The following ZZZ3 variants were observed in gnomAD, a reference collection of about 807,000 sequenced individuals.
ZZZ3 encodes the protein ZZ-type zinc finger-containing protein 3.
A neutral mutation model predicts 95.2 loss-of-function variants in ZZZ3; 22 were observed. The observed-to-expected ratio is 0.23, with a 90% CI of 0.17 to 0.33. The LOEUF (loss-of-function observed/expected upper bound fraction) is 0.33, where lower values mean the gene tolerates loss of function less well. Ranked by LOEUF, ZZZ3 falls within the 10% of genes least tolerant of loss-of-function variation. The pLI is 1.00. For missense variants in ZZZ3, 885 were observed against 1,066.5 expected (o/e 0.83, Z 2.37); for synonymous variants, 335 against 358.9 (o/e 0.93, Z 0.75).
chr1:77,602,555 A>G (rs968314321), intron 5 of ZZZ3, among the ~76,000 whole-genome samples: 9 of 152,192 alleles, frequency 5.9e-5, no homozygotes, highest in Non-Finnish European at 1.0e-4. Flanking sequence ...AGAACACTAA[A>G]TAAGAGAAAA....
chr1:77,630,225 A>G (rs1044932558), intron 5 of ZZZ3, among the ~76,000 whole-genome samples: 1 of 152,096 alleles, frequency 6.6e-6, no homozygotes, highest in Non-Finnish European at 1.5e-5. Flanking sequence ...CCTATACTCA[A>G]TACTCTGGGA....
chr1:77,639,353 G>A (rs1484879262), intron 4 of ZZZ3, 96 bp downstream of exon 4: 3 of 987,138 alleles, frequency 3.0e-6, no homozygotes, highest in South Asian at 2.3e-5. Context: ...CCCAGAGGAT[G>A]TATGGAAAAA....
intron 5 of ZZZ3, among the ~76,000 whole-genome samples, chr1:77,601,961 T>A (rs571813852): frequency 8.5e-5 from 13 of 152,276 alleles, no homozygotes; most frequent in African/African-American, 3.1e-4. Context: ...GGTGGCAAGA[T>A]GTTGGCTAAG....
chr1:77,618,624 A>G (rs995536910), intron 5 of ZZZ3, among the ~76,000 whole-genome samples: 19 of 152,158 alleles, frequency 1.2e-4, no homozygotes, highest in African/African-American at 4.3e-4. Flanking sequence ...TATTCGCAAG[A>G]TTGTTTGCTA....
At chr1:77,611,636 A>T (rs141319397) in intron 5 of ZZZ3, among the ~76,000 whole-genome samples, 15 of 152,202 alleles carry the variant, frequency 9.9e-5, no homozygotes, top group African/African-American at 3.6e-4. Flanking sequence ...TGGTACTGAC[A>T]TAAAAAACAG....
At chr1:77,623,373 C>T (rs1276504547) in intron 5 of ZZZ3, among the ~76,000 whole-genome samples, 2 of 152,154 alleles carry the variant, frequency 1.3e-5, no homozygotes, top group Non-Finnish European at 2.9e-5. Flanking sequence ...GCTGCACACA[C>T]ATAAGATGAG....
rs574795254 is a variant in ZZZ3, at chr1:77,635,726, T to C, written c.-51-2321A>G. On this transcript the variant is annotated intron_variant, in intron 4 of 14. Coordinates refer to ENST00000370801, the MANE Select transcript of ZZZ3 (RefSeq NM_015534.6). ...TTCGTGACCAGCCTGGCCAACATGG[T>C]GAAACCCCGTCTCTACTAAAAATAC... Among the ~76,000 whole-genome samples the C allele has an allele frequency of 8.1e-4, 123 of 152,216 alleles. 3 individuals carry two copies. The South Asian group carries it at 0.024, about 30-fold the overall frequency.
At chr1:77,621,952 A>G (rs1382796190) in intron 5 of ZZZ3, among the ~76,000 whole-genome samples, 1 of 152,078 alleles carries the variant, frequency 6.6e-6, no homozygotes, top group Non-Finnish European at 1.5e-5. Context: ...CTTCCCTCCA[A>G]CTAAAAGTTT....
At chr1:77,610,422 T>A (rs989533106) in intron 5 of ZZZ3, among the ~76,000 whole-genome samples, 1 of 151,774 alleles carries the variant, frequency 6.6e-6, no homozygotes, top group Non-Finnish European at 1.5e-5. Flanking sequence ...ACTCAAACTA[T>A]ACCAAAAAAT....
rs755595823 is a variant in ZZZ3, at chr1:77,582,153, TA to T, written c.1645-28del. The T allele has an allele frequency of 3.8e-6, 6 of 1,567,128 alleles. No individual in the cohort carries two copies. The East Asian group carries it at 1.4e-4, about 35-fold the overall frequency. Reference sequence around the variant, plus strand: ...TGGAGGCAGGGGAGAAAAAACAAAATAAAGTAAAAGTCTAAATTTAATTAAA... The same window carrying T: ...TGGAGGCAGGGGAGAAAAAACAAAATAAGTAAAAGTCTAAATTTAATTAAA... On this transcript the variant is annotated intron_variant, in intron 6 of 14. Transcript: ENST00000370801.
At chr1:77,629,151 G>A (rs1046408659) in intron 5 of ZZZ3, among the ~76,000 whole-genome samples, 5 of 152,160 alleles carry the variant, frequency 3.3e-5, no homozygotes, top group African/African-American at 1.2e-4. Flanking sequence ...CTTGGCTCTA[G>A]ACAATGAAGG....
chr1:77,563,276 C>T lies in ZZZ3; in HGVS notation c.*2364G>A, dbSNP rs1381328462. ...TTACAGTCTGTTTTAGCTTACAGTCCAATAATTCTATGTAGGCAGATGGTA... is the reference window on the plus strand; with the variant it reads ...TTACAGTCTGTTTTAGCTTACAGTCTAATAATTCTATGTAGGCAGATGGTA... On this transcript the variant is annotated 3_prime_UTR_variant, in exon 15 of 15. Transcript: ENST00000370801. 6.6e-6 allele frequency: 1 copy of T among 152,134 alleles called. No individual in the cohort carries two copies. Among genetic ancestry groups the T allele is most frequent in the Non-Finnish European group, 1.5e-5 (1 of 68,020 alleles). 9.4% of individuals were successfully genotyped at this position (152,134 alleles called of 1,614,324 possible).
intron 5 of ZZZ3, among the ~76,000 whole-genome samples, chr1:77,617,009 CCAGA>C (rs1163720284): frequency 6.6e-6 from 1 of 151,902 alleles, no homozygotes; most frequent in Admixed American, 6.6e-5. Context: ...TTCAAAAAAC[CCAGA>C]CATTCTTAAA....
chr1:77,579,825 G>C (rs184750746), intron 9 of ZZZ3, 197 bp from the exon 10 acceptor site: 13 of 358,776 alleles, frequency 3.6e-5, no homozygotes, highest in Admixed American at 2.3e-4. Context: ...AATGAAATTA[G>C]AGAATAAACT....
intron 5 of ZZZ3, among the ~76,000 whole-genome samples, chr1:77,620,120 T>C (rs1666702807): frequency 6.6e-6 from 1 of 152,104 alleles, no homozygotes; most frequent in South Asian, 2.1e-4. Context: ...ATATGATGTC[T>C]AAATTCAGAA....
At chr1:77,619,091 G>GAT (rs1666607106) in intron 5 of ZZZ3, among the ~76,000 whole-genome samples, 1 of 152,062 alleles carries the variant, frequency 6.6e-6, no homozygotes, top group South Asian at 2.1e-4. Flanking sequence ...AGATTCCCTT[G>GAT]ATATTTCCCT....
chr1:77,598,409 C>T (rs1316064418), intron 5 of ZZZ3, among the ~76,000 whole-genome samples: 5 of 152,124 alleles, frequency 3.3e-5, no homozygotes, highest in African/African-American at 1.2e-4. Context: ...CTTGCTGTTC[C>T]AGGGGTGTCA....
rs114738887 is a variant in ZZZ3, at chr1:77,575,209, G to A, written c.2331+859C>T. Among the ~76,000 whole-genome samples, 1,308 of 152,168 alleles carry A rather than the reference G, an allele frequency of 8.6e-3. 3 individuals are homozygous for A. Among genetic ancestry groups the A allele is most frequent in the Non-Finnish European group, 0.014 (969 of 67,988 alleles). ...AAAAAGAAAGAAAAAGAAAAAAAAG[G>A]GAGAATTGAGCAATTATCCCACCTT... On this transcript the variant is annotated intron_variant, in intron 12 of 14. Transcript: ENST00000370801.
At chr1:77,658,463 TC>T (rs1277735368) in intron 1 of ZZZ3, among the ~76,000 whole-genome samples, 1 of 151,094 alleles carries the variant, frequency 6.6e-6, no homozygotes, top group Non-Finnish European at 1.5e-5. Flanking sequence ...CAGCTTAGCC[TC>T]CCAAGTAGCT....
Sources: allele counts gnomAD v4.1 joint callset (sites outside exome capture counted in the v4.1 genomes callset), GRCh38; gene constraint gnomAD v4.1.1; transcripts MANE v1.5; gene names NCBI Gene and HGNC (gene_info 2026-07-23, HGNC 2026-07-21).